Variants in TRANK1 observed in about 807,000 individuals in gnomAD.
TRANK1 encodes TPR and ankyrin repeat-containing protein 1.
In TRANK1, 198 loss-of-function variants were observed where a neutral mutation model predicts 266.0. The observed-to-expected ratio is 0.74, with a 90% confidence interval of 0.66 to 0.84. The LOEUF is 0.84. Among genes scored for constraint, TRANK1 ranks in the 40% least tolerant of loss-of-function variants. The pLI is 0.00. For synonymous variants in TRANK1, 1,396 were observed against 1,384.1 expected (o/e 1.01, Z -0.19); for missense variants, 3,326 against 3,634.6 (o/e 0.92, Z 2.18).
In TRANK1 at chr3:36,851,844, C is replaced by T. The variant is rs2078988374; in HGVS notation, c.4762G>A (p.Ala1588Thr). 6.3e-7 allele frequency: 1 copy of T among 1,598,814 alleles called. No individual in the cohort carries two copies. Among genetic ancestry groups the T allele is most frequent in the Admixed American group, 1.8e-5 (1 of 57,130 alleles). ...EFGAHQVILV[A>T]NETAKEKIPE... is the part of the protein sequence containing the mutation. Reference sequence around the variant, plus strand: ...ATTTTCTCCTTTGCCGTTTCATTGGCCACAAGGATTACCTGAAGAAAAACA... The same window carrying T: ...ATTTTCTCCTTTGCCGTTTCATTGGTCACAAGGATTACCTGAAGAAAAACA... The change falls in exon 15 of 24, where the codon GCC becomes ACC. Residue 1588 changes from alanine (A) to threonine (T), a missense_variant. Ala to Thr is a moderately conservative substitution (Grantham distance 58). Coordinates refer to ENST00000645898, the MANE Select transcript of TRANK1 (RefSeq NM_001329998.2).
chr3:36,903,751 G>C (rs2079918867), intron 2 of TRANK1, among the ~76,000 whole-genome samples: 1 of 152,252 alleles, frequency 6.6e-6, no homozygotes, highest in Non-Finnish European at 1.5e-5. Flanking sequence ...GGGCACAGCT[G>C]GAAGATGGCC....
rs368550507 is a variant in TRANK1 at position 36,833,024 on chromosome 3, T to A, written c.6559A>T (p.Thr2187Ser). ...AACCTCATGCAGACTCCTCGGTAGG[T>A]CTTCCCAAGCAGGCTCCGTGTGATC... ...CQITRSLLGK[T>S]YRGVCMRFIV... is the part of the protein sequence containing the mutation. Residue 2187 changes from threonine (T) to serine (S), a missense_variant, in exon 22 of 24, where the codon ACC (threonine) becomes TCC (serine). Physicochemically the swap from Thr to Ser is moderately conservative, Grantham distance 58. Transcript: ENST00000645898. 1.2e-6 allele frequency: 2 copies of A among 1,612,378 alleles called. No homozygotes were observed. Among genetic ancestry groups the A allele is most frequent in the African/African-American group, 2.7e-5 (2 of 74,886 alleles).
At chr3:36,866,084 G>GA (rs1476231707) in intron 9 of TRANK1, among the ~76,000 whole-genome samples, 1 of 150,862 alleles carries the variant, frequency 6.6e-6, no homozygotes, top group Non-Finnish European at 1.5e-5. Flanking sequence ...AAGAAAGAAA[G>GA]AAAGAAAGAA....
chr3:36,908,491 C>G, intron 1 of TRANK1, 37 bp from the exon 2 acceptor site: 1 of 1,232,114 alleles, frequency 8.1e-7, no homozygotes, highest in Non-Finnish European at 1.0e-6. Flanking sequence ...CTGCCAGACC[C>G]GTGCAGGGCA....
chr3:36,891,429 G>A (rs2079693828), intron 7 of TRANK1, among the ~76,000 whole-genome samples: 1 of 152,124 alleles, frequency 6.6e-6, no homozygotes, highest in Non-Finnish European at 1.5e-5. Flanking sequence ...GGGGTCCCAG[G>A]CCTCAAGCCC....
At chr3:36,938,703 A>T (rs1228518156) in intron 1 of TRANK1, among the ~76,000 whole-genome samples, 1 of 152,122 alleles carries the variant, frequency 6.6e-6, no homozygotes, top group East Asian at 1.9e-4. Flanking sequence ...TCACACCTGT[A>T]ATCCCAGCAC....
chr3:36,873,725 T>C (rs2079342975), intron 9 of TRANK1, among the ~76,000 whole-genome samples: 1 of 151,844 alleles, frequency 6.6e-6, no homozygotes, highest in African/African-American at 2.4e-5. Context: ...TGTCCAAAAT[T>C]GATAAACCAA....
In TRANK1 at chr3:36,895,967, T is replaced by C. The variant is rs115649184; in HGVS notation, c.434-209A>G. ...ATCATAAAATCAATCCCCTAAGAGT[T>C]AGGCAGGATAATTAACATTCGCTTT... On this transcript the variant is annotated intron_variant, in intron 4 of 23. Coordinates refer to ENST00000645898, the MANE Select transcript of TRANK1 (RefSeq NM_001329998.2). 7.1e-3 allele frequency among the ~76,000 whole-genome samples: 1,084 copies of C among 152,348 alleles called. 4 individuals carry two copies. The highest frequency in any genetic ancestry group is 0.014 in the Middle Eastern group (4 of 294).
chr3:36,925,924 C>G (rs2080282267), intron 1 of TRANK1, among the ~76,000 whole-genome samples: 1 of 152,152 alleles, frequency 6.6e-6, no homozygotes, highest in Non-Finnish European at 1.5e-5. Flanking sequence ...TTATTCAGTT[C>G]TACTGCAGGC....
At chr3:36,835,413 C>T (rs111450004) in intron 20 of TRANK1, among the ~76,000 whole-genome samples, 1,663 of 150,816 alleles carry the variant, frequency 0.011, 19 homozygotes, top group South Asian at 0.033. Context: ...TAAATCCCAA[C>T]CTCACAGCAC....
chr3:36,918,793 A>G (rs2080175110), intron 1 of TRANK1, among the ~76,000 whole-genome samples: 2 of 152,142 alleles, frequency 1.3e-5, no homozygotes, highest in South Asian at 4.1e-4. Flanking sequence ...TGATACCCAA[A>G]AGATGGCAGG....
chr3:36,943,882 T>A (rs911022212), intron 1 of TRANK1, among the ~76,000 whole-genome samples: 98 of 151,814 alleles, frequency 6.5e-4, no homozygotes, highest in Non-Finnish European at 7.1e-4. Context: ...GCTTCTTAAA[T>A]TTTTTTTTCT....
rs1306637163 is a variant in TRANK1, at chr3:36,828,280, A to G, written c.8905T>C (p.Tyr2969His). The change falls in exon 24 of 24, where the codon TAC becomes CAC. Residue 2969 changes from tyrosine (Y) to histidine (H), a missense_variant. Transcript: ENST00000645898. Reference protein sequence around the residue: ...RSRKCGKQRKY With the variant: ...RSRKCGKQRKH ...AGGCTGCAGCTGTGTGGACATTAGT[A>G]TTTTCTCTGCTTTCCACATTTCCGA... 1.2e-6 allele frequency: 2 copies of G among 1,610,378 alleles called. No individual in the cohort carries two copies. The highest frequency in any genetic ancestry group is 1.7e-6 in the Non-Finnish European group (2 of 1,178,146).
In TRANK1 at chr3:36,883,284, C is replaced by T. The variant is rs117642753; in HGVS notation, c.907+6545G>A. On this transcript the variant is annotated intron_variant, in intron 8 of 23. Transcript: ENST00000645898. ...GGCAAAACTCTGTCTCTACCAACAA[C>T]AACAGCAAAAAAAATAGTGGGGCAT... 1.5e-4 allele frequency among the ~76,000 whole-genome samples: 22 copies of T among 151,556 alleles called. 1 individual carries two copies. In the East Asian group the frequency reaches 4.3e-3, roughly 29 times the overall value.
At chr3:36,925,028 G>A (rs953028072) in intron 1 of TRANK1, among the ~76,000 whole-genome samples, 1 of 152,216 alleles carries the variant, frequency 6.6e-6, no homozygotes, top group Non-Finnish European at 1.5e-5. Context: ...AAACAAGGGT[G>A]TTAGGGGTAT....
At chr3:36,918,163 G>A (rs115194088) in intron 1 of TRANK1, among the ~76,000 whole-genome samples, 132 of 152,144 alleles carry the variant, frequency 8.7e-4, no homozygotes, top group African/African-American at 3.1e-3. Flanking sequence ...CAAAAAACAA[G>A]TATTTTACAA....
rs573740266 is a variant in TRANK1, at chr3:36,839,593, C to T, written c.5281-877G>A. Among the ~76,000 whole-genome samples, 3 of 152,316 alleles carry T rather than the reference C, an allele frequency of 2.0e-5. No individual in the cohort carries two copies. In the South Asian group the frequency reaches 6.2e-4, roughly 32 times the overall value. On this transcript the variant is annotated intron_variant, in intron 18 of 23. Transcript: ENST00000645898. ...CTTCTAACTGAAATGCTCTTCGGTC[C>T]TTTCCCTGTCTTGTTAACTTCATTC...
chr3:36,862,769 C>T (rs999234458), intron 10 of TRANK1, among the ~76,000 whole-genome samples: 1 of 152,172 alleles, frequency 6.6e-6, no homozygotes, highest in African/African-American at 2.4e-5. Flanking sequence ...GTCATCTCCA[C>T]AGAGAGTCTG....
rs753278485 is a variant in TRANK1 at position 36,831,820 on chromosome 3, T to C, written c.7763A>G (p.His2588Arg). Residue 2588 changes from histidine (H) to arginine (R), a missense_variant, in exon 22 of 24, where the codon CAC becomes CGC. Physicochemically the swap from His to Arg is conservative, Grantham distance 29. Transcript: ENST00000645898. The surrounding 1 kb of genome is among the most constrained non-coding windows in gnomAD (Gnocchi z 5.0). ...QPYCKPLLYR[H>R]FREIESRLQL... ...CAGCCTTGACTCAATCTCCCGGAAG[T>C]GGCGATACAGGAGAGGCTTGCAGTA... 6.2e-7 allele frequency: 1 copy of C among 1,613,994 alleles called. No individual in the cohort carries two copies. Among genetic ancestry groups the C allele is most frequent in the Non-Finnish European group, 8.5e-7 (1 of 1,179,894 alleles).
Sources: allele counts gnomAD v4.1 joint callset (sites outside exome capture counted in the v4.1 genomes callset), GRCh38; gene constraint gnomAD v4.1.1; non-coding constraint Gnocchi (gnomAD v3.1); transcripts MANE v1.5; gene names NCBI Gene and HGNC (gene_info 2026-07-23, HGNC 2026-07-21).